Variants in UST observed in about 807,000 individuals in gnomAD.
UST encodes uronyl 2-sulfotransferase.
A neutral mutation model predicts 45.6 loss-of-function variants in UST; 21 were observed. The ratio of observed to expected loss-of-function variants is 0.46; its 90% CI spans 0.33 to 0.66. UST has a LOEUF of 0.66. Ranked by LOEUF, UST falls within the 30% of genes least tolerant of loss-of-function variation. The pLI is 0.02. For synonymous variants in UST, 215 were observed against 200.6 expected, an observed-to-expected ratio of 1.07 and a Z score of -0.61; for missense variants, 463 against 512.4, an observed-to-expected ratio of 0.90 and a Z score of 0.93.
At chr6:148,929,283 T>C (rs1779878482) in intron 2 of UST, among the ~76,000 whole-genome samples, 1 of 152,200 alleles carries the variant, frequency 6.6e-6, no homozygotes, top group South Asian at 2.1e-4. Context: ...TGAGTCCTGA[T>C]TAATCTAAGC....
At position 149,021,442 on chromosome 6, in the gene UST, C is replaced by T. The variant is rs1232590170; in HGVS notation, c.898C>T (p.His300Tyr). ...GCTGTTACTGGAAAGATTTTTACCT[C>T]ATTACTTCAAGGGCGTGCTCAGTAT... is the stretch of plus-strand genomic sequence containing the variant. The part of the protein sequence containing the change: ...VLLLLERFLP[H>Y]YFKGVLSIYK... The change falls in exon 7 of 8, where the codon CAT (histidine) becomes TAT (tyrosine). Residue 300 changes from histidine (H) to tyrosine (Y), a missense_variant. Physicochemically the swap from His to Tyr is moderately conservative, Grantham distance 83. Around this residue, in one of 2 missense-constraint regions of UST, gnomAD observed 287 missense variants for 374.2 expected, o/e 0.77. Transcript: ENST00000367463. 1 of 1,614,172 alleles carries T rather than the reference C, an allele frequency of 6.2e-7. No individual in the cohort carries two copies.
At chr6:148,968,462 C>T (rs1049033315) in intron 5 of UST, among the ~76,000 whole-genome samples, 4 of 152,202 alleles carry the variant, frequency 2.6e-5, no homozygotes, top group African/African-American at 9.7e-5. Context: ...GCTGGAAGCT[C>T]CCCAGTGTGG....
intron 1 of UST, among the ~76,000 whole-genome samples, chr6:148,799,990 T>C (rs548240635): frequency 1.3e-5 from 2 of 152,330 alleles, no homozygotes; most frequent in East Asian, 3.9e-4. Context: ...GGTACCATTA[T>C]AAAAATAGTT....
intron 1 of UST, among the ~76,000 whole-genome samples, chr6:148,789,541 A>G (rs1446232334): frequency 1.3e-5 from 2 of 152,012 alleles, no homozygotes; most frequent in African/African-American, 2.4e-5. Context: ...AAAGAAAATA[A>G]TGCAACATTG....
intron 7 of UST, among the ~76,000 whole-genome samples, chr6:149,039,737 G>A (rs1776284790): frequency 3.9e-5 from 6 of 152,218 alleles, no homozygotes; most frequent in Admixed American, 3.9e-4. Flanking sequence ...CCACAACTGA[G>A]CAGCGAGGAA....
chr6:148,830,971 A>G (rs1279474173), intron 1 of UST, among the ~76,000 whole-genome samples: 1 of 152,114 alleles, frequency 6.6e-6, no homozygotes, highest in East Asian at 1.9e-4. Context: ...TTGCCACAGT[A>G]AAATTCTGCT....
chr6:148,819,489 ATAT>A (rs979601740), intron 1 of UST, among the ~76,000 whole-genome samples: 2 of 152,234 alleles, frequency 1.3e-5, no homozygotes, highest in African/African-American at 4.8e-5. Context: ...AGATAGAAAG[ATAT>A]TAGGAATCTC....
intron 1 of UST, among the ~76,000 whole-genome samples, chr6:148,759,184 A>G (rs768680949): frequency 2.0e-5 from 3 of 152,108 alleles, no homozygotes; most frequent in Non-Finnish European, 4.4e-5. Flanking sequence ...GACTGTCCCT[A>G]TGGGAATACA....
Position 148,897,293 on chromosome 6 carries a change from G to A in UST, c.291+10264G>A, listed in dbSNP as rs533592048. Among the ~76,000 whole-genome samples, 20 of 151,272 alleles carry A rather than the reference G, an allele frequency of 1.3e-4. No individual in the cohort carries two copies. The South Asian group carries it at 2.1e-3, about 16-fold the overall frequency. Reference sequence around the variant, plus strand: ...GGTGATTCTTGTGCCTCAGCCTCCCGAGTAGCTGGGATTACAGGTGTGCAC... The same window carrying A: ...GGTGATTCTTGTGCCTCAGCCTCCCAAGTAGCTGGGATTACAGGTGTGCAC... On this transcript the variant is annotated intron_variant, in intron 2 of 7. Coordinates refer to ENST00000367463, the MANE Select transcript of UST (RefSeq NM_005715.3).
At chr6:148,809,131 C>T (rs1777205006) in intron 1 of UST, among the ~76,000 whole-genome samples, 1 of 152,230 alleles carries the variant, frequency 6.6e-6, no homozygotes, top group African/African-American at 2.4e-5. Flanking sequence ...CAACTCAAAC[C>T]TCAGCAGGGC....
intron 5 of UST, 128 bp downstream of exon 5, chr6:148,964,691 G>C: frequency 8.0e-7 from 1 of 1,245,648 alleles, no homozygotes; most frequent in South Asian, 1.5e-5. Context: ...GCGCAGAGAG[G>C]GTGCTTCCGC....
chr6:149,072,389 C>A (rs985073936), intron 7 of UST, among the ~76,000 whole-genome samples: 1 of 152,202 alleles, frequency 6.6e-6, no homozygotes, highest in Non-Finnish European at 1.5e-5. Flanking sequence ...CATGGTGGCT[C>A]ACACCTGTAA....
chr6:148,933,565 A>G (rs1779962162), intron 2 of UST, among the ~76,000 whole-genome samples: 1 of 152,174 alleles, frequency 6.6e-6, no homozygotes, highest in African/African-American at 2.4e-5. Context: ...GTGGATGGAA[A>G]GAGCCTTCTG....
chr6:148,941,292 C>T lies in UST; in HGVS notation c.305C>T (p.Pro102Leu). The T allele has an allele frequency of 1.2e-6, 2 of 1,612,840 alleles. No individual in the cohort carries two copies. The highest frequency in any genetic ancestry group is 1.7e-6 in the Non-Finnish European group (2 of 1,179,676). Reference protein sequence around the residue: ...GPPPSKVLPFPSQVVYNRVGK... With the variant: ...GPPPSKVLPFLSQVVYNRVGK... The stretch of plus-strand genomic sequence containing the variant: ...TTTTTTTCCCAGGTACTACCTTTCC[C>T]AAGCCAGGTGGTGTACAACAGGGTA... Residue 102 changes from proline (P) to leucine (L), a missense_variant, in exon 3 of 8, where the codon CCA becomes CTA. By Grantham distance (98) the Pro-to-Leu change is moderately conservative (BLOSUM62 -3). This residue lies in a region of UST where 176 missense variants were observed against 138.3 expected (regional missense o/e 1.27). Coordinates refer to ENST00000367463, the MANE Select transcript of UST (RefSeq NM_005715.3).
intron 7 of UST, among the ~76,000 whole-genome samples, chr6:149,044,385 A>G (rs886287408): frequency 2.0e-5 from 3 of 152,162 alleles, no homozygotes; most frequent in Non-Finnish European, 4.4e-5. Context: ...GGCCTCCATT[A>G]TGGTATTGTG....
At chr6:148,977,461 C>T (rs1001711804) in intron 5 of UST, among the ~76,000 whole-genome samples, 15 of 152,018 alleles carry the variant, frequency 9.9e-5, no homozygotes, top group Admixed American at 9.2e-4. Context: ...TTAAAATCAG[C>T]TTGTTCAGGG....
chr6:148,983,463 AT>A (rs1253618029), intron 5 of UST, among the ~76,000 whole-genome samples: 42 of 152,332 alleles, frequency 2.8e-4, no homozygotes, highest in African/African-American at 9.6e-4. Flanking sequence ...GGAAAAAAAA[AT>A]CATACCTCAA....
At chr6:149,013,512 G>A (rs1775849235) in intron 5 of UST, among the ~76,000 whole-genome samples, 1 of 150,838 alleles carries the variant, frequency 6.6e-6, no homozygotes, top group South Asian at 2.1e-4. Flanking sequence ...GGCAACAAGA[G>A]CGAAACTCTG....
At chr6:148,821,158 T>A (rs111283038) in intron 1 of UST, among the ~76,000 whole-genome samples, 7,074 of 150,824 alleles carry the variant, frequency 0.047, 345 homozygotes, top group African/African-American at 0.12. Flanking sequence ...TTCAGTAGAG[T>A]CGGGGTTTTG....
Sources: gnomAD v4.1 joint callset for allele counts (sites outside exome capture counted in the v4.1 genomes callset) on GRCh38, gnomAD v4.1.1 for gene constraint, gnomAD v4.1.1 regional missense constraint, MANE v1.5 for transcripts, NCBI Gene and HGNC (gene_info 2026-07-23, HGNC 2026-07-21) for gene names.